Variants in PDGFRL observed in about 807,000 individuals in gnomAD.
The protein encoded by PDGFRL is platelet-derived growth factor receptor-like protein.
A neutral mutation model predicts 37.2 loss-of-function variants in PDGFRL; 46 were observed. That is an observed-to-expected ratio of 1.24 (90% CI 0.98 to 1.58). The LOEUF is 1.58. Among genes scored for constraint, PDGFRL ranks in the 40% most tolerant of loss-of-function variants. The pLI, the probability that PDGFRL is intolerant of heterozygous loss-of-function variation, is 0.00. For missense variants in PDGFRL, 692 were observed against 467.6 expected (o/e 1.48, Z -4.43); for synonymous variants, 251 against 184.3 (o/e 1.36, Z -2.93).
At chr8:17,636,866 T>G (rs1804980665) in intron 5 of PDGFRL, among the ~76,000 whole-genome samples, 1 of 152,154 alleles carries the variant, frequency 6.6e-6, no homozygotes, top group African/African-American at 2.4e-5. Flanking sequence ...TATATATATT[T>G]TTTGCAGCTA....
At chr8:17,631,822 G>A (rs1377800704) in intron 4 of PDGFRL, among the ~76,000 whole-genome samples, 1 of 152,070 alleles carries the variant, frequency 6.6e-6, no homozygotes, top group African/African-American at 2.4e-5. Context: ...CACTCTTCTT[G>A]GTCAGCTCTT....
Position 17,613,648 on chromosome 8 carries a change from C to G in PDGFRL, c.354-7403C>G, listed in dbSNP as rs558559471. On this transcript the variant is annotated intron_variant, in intron 2 of 5. Transcript: ENST00000251630. ...ATCCCAGCACTTTGGGAGGCCGAGG[C>G]AGGTGGATTGCTCAAGCTCAGGAGT... is the stretch of plus-strand genomic sequence containing the variant. Among the ~76,000 whole-genome samples the G allele has an allele frequency of 1.9e-4, 29 of 152,256 alleles. 1 individual carries two copies. The South Asian group carries it at 5.6e-3, about 29-fold the overall frequency.
chr8:17,637,199 G>A (rs1359722830), intron 5 of PDGFRL, among the ~76,000 whole-genome samples: 1 of 152,138 alleles, frequency 6.6e-6, no homozygotes, highest in African/African-American at 2.4e-5. Flanking sequence ...CAGGGGAAAT[G>A]CTTTCAACTT....
intron 3 of PDGFRL, among the ~76,000 whole-genome samples, chr8:17,622,264 A>T (rs942949278): frequency 1.9e-4 from 29 of 152,342 alleles, no homozygotes; most frequent in African/African-American, 7.0e-4. Context: ...AGTCAGTAAG[A>T]GCTTTCAGGA....
At chr8:17,616,317 C>A (rs1480474452) in intron 2 of PDGFRL, among the ~76,000 whole-genome samples, 4 of 152,130 alleles carry the variant, frequency 2.6e-5, no homozygotes, top group Non-Finnish European at 5.9e-5. Flanking sequence ...GCGTCAGCCT[C>A]CCCAGTAGCT....
intron 3 of PDGFRL, among the ~76,000 whole-genome samples, chr8:17,627,282 A>T: frequency 6.6e-6 from 1 of 152,200 alleles, no homozygotes; most frequent in East Asian, 1.9e-4. Flanking sequence ...TGTAATTTGG[A>T]TGTAGTTTAC....
intron 2 of PDGFRL, among the ~76,000 whole-genome samples, chr8:17,608,943 G>T (rs543283088): frequency 6.6e-6 from 1 of 152,338 alleles, no homozygotes; most frequent in Non-Finnish European, 1.5e-5. Context: ...GAGGGGCCAG[G>T]CAAGGCAGCT....
upstream of PDGFRL, chr8:17,577,091 A>AAAAAAAAAAAT: frequency 1.1e-6 from 1 of 920,944 alleles, no homozygotes. Flanking sequence ...CTAAAAAAAA[A>AAAAAAAAAAAT]AAAAATTCCC....
chr8:17,639,500 G>C (rs1034043489), intron 5 of PDGFRL, among the ~76,000 whole-genome samples: 1 of 152,100 alleles, frequency 6.6e-6, no homozygotes, highest in Non-Finnish European at 1.5e-5. Flanking sequence ...GCATTTGTTT[G>C]TCTGAAAAAG....
intron 5 of PDGFRL, among the ~76,000 whole-genome samples, chr8:17,634,481 GTT>G (rs35721942): frequency 1.4e-5 from 2 of 145,284 alleles, no homozygotes; most frequent in African/African-American, 2.5e-5. Context: ...TCATATGCAG[GTT>G]TTTTTTTTTT....
chr8:17,577,898 A>G (rs1803621543), intron 1 of PDGFRL, among the ~76,000 whole-genome samples: 5 of 151,816 alleles, frequency 3.3e-5, no homozygotes, highest in Admixed American at 3.3e-4. Context: ...ACGGCTTATT[A>G]TATTTATCTA....
intron 2 of PDGFRL, among the ~76,000 whole-genome samples, chr8:17,616,886 T>A (rs1413300209): frequency 6.6e-6 from 1 of 151,994 alleles, no homozygotes; most frequent in Non-Finnish European, 1.5e-5. Context: ...GCTTGCAGAG[T>A]CTTCACCGGG....
intron 2 of PDGFRL, among the ~76,000 whole-genome samples, chr8:17,604,368 A>T (rs1804227940): frequency 6.6e-6 from 1 of 152,218 alleles, no homozygotes; most frequent in Non-Finnish European, 1.5e-5. Context: ...GGATTAAGAA[A>T]ATGTGGCACA....
intron 4 of PDGFRL, among the ~76,000 whole-genome samples, chr8:17,630,131 A>G (rs1350110751): frequency 6.6e-6 from 1 of 151,974 alleles, no homozygotes; most frequent in African/African-American, 2.4e-5. Flanking sequence ...TCTCTCGTCT[A>G]CCCTGCCTGG....
At chr8:17,578,398 T>C (rs1803633938) in intron 1 of PDGFRL, among the ~76,000 whole-genome samples, 1 of 152,184 alleles carries the variant, frequency 6.6e-6, no homozygotes, top group East Asian at 1.9e-4. Flanking sequence ...TCCAAGATAG[T>C]CGTGGTACTT....
At chr8:17,606,984 C>A (rs1360056399) in intron 2 of PDGFRL, among the ~76,000 whole-genome samples, 1 of 150,914 alleles carries the variant, frequency 6.6e-6, no homozygotes, top group Non-Finnish European at 1.5e-5. Context: ...CAACCTCCAC[C>A]TCCCAGGTTC....
rs1352348069 is a variant in PDGFRL, at chr8:17,642,763, G to A, written c.1090G>A (p.Gly364Arg). 3 of 1,611,766 alleles carry A rather than the reference G, an allele frequency of 1.9e-6. No individual in the cohort carries two copies. The highest frequency in any genetic ancestry group is 1.1e-5 in the South Asian group (1 of 91,014). The change falls in exon 6 of 6, where the codon GGA becomes AGA. Residue 364 changes from glycine (G) to arginine (R), a missense_variant. By Grantham distance (125) the Gly-to-Arg change is moderately radical (BLOSUM62 -2). Transcript: ENST00000251630. ...CATTTGCACTGCTCAGAATCTTCAA[G>A]GACAGACCACAGTAGCTACCACTGT... Reference protein sequence around the residue: ...YYICTAQNLQGQTTVATTVEF... With the variant: ...YYICTAQNLQRQTTVATTVEF...
intron 3 of PDGFRL, among the ~76,000 whole-genome samples, chr8:17,625,881 G>C (rs142853249): frequency 0.015 from 2,344 of 152,186 alleles, 54 homozygotes; most frequent in African/African-American, 0.053. Context: ...TGTAGTCCCA[G>C]CTACTCAGGA....
chr8:17,597,471 T>C (rs1224768582), intron 2 of PDGFRL, among the ~76,000 whole-genome samples: 2 of 152,186 alleles, frequency 1.3e-5, no homozygotes, highest in East Asian at 1.9e-4. Flanking sequence ...GAGAGAGCAA[T>C]TAATGAAGAA....
Sources: allele counts gnomAD v4.1 joint callset (sites outside exome capture counted in the v4.1 genomes callset), GRCh38; gene constraint gnomAD v4.1.1; transcripts MANE v1.5; gene names NCBI Gene and HGNC (gene_info 2026-07-23, HGNC 2026-07-21).